Variants in RELN observed in about 807,000 individuals in gnomAD.
RELN encodes the protein reelin.
In RELN, 108 loss-of-function variants were observed where a neutral mutation model predicts 427.6. The ratio of observed to expected loss-of-function variants is 0.25; its 90% CI spans 0.22 to 0.30. RELN has a LOEUF of 0.30. Ranked by LOEUF, RELN falls within the 10% of genes least tolerant of loss-of-function variation. RELN has a pLI of 1.00. For synonymous variants in RELN, 1,524 were observed against 1,513.4 expected (o/e 1.01, Z -0.16); for missense variants, 3,715 against 4,302.8 (o/e 0.86, Z 3.82).
intron 8 of RELN, among the ~76,000 whole-genome samples, chr7:103,710,659 A>T (rs532977559): frequency 6.6e-6 from 1 of 152,386 alleles, no homozygotes; most frequent in Admixed American, 6.5e-5. Flanking sequence ...AATATTAAGC[A>T]TCAACTCTGA....
chr7:103,835,465 G>A lies in RELN; in HGVS notation c.338-1793C>T, dbSNP rs113893067. Among the ~76,000 whole-genome samples the A allele has an allele frequency of 4.6e-3, 702 of 152,202 alleles. 6 individuals carry two copies. The highest frequency in any genetic ancestry group is 0.016 in the African/African-American group (676 of 41,548). On this transcript the variant is annotated intron_variant, in intron 2 of 64. Transcript: ENST00000428762. ...GGACTTTGAGCAGTAATGATGTGTC[G>A]ATGTAGGTTCATTGATTGTACCAAA...
intron 20 of RELN, 34 bp from the exon 21 acceptor site, chr7:103,611,837 T>A: frequency 6.5e-7 from 1 of 1,535,828 alleles, no homozygotes; most frequent in Non-Finnish European, 9.0e-7. Context: ...CAGAAAATTC[T>A]AAACACAATG....
In RELN at chr7:103,520,957, ATTTTTTTTT is replaced by A. The variant is rs55830035; in HGVS notation, c.7668+1056_7668+1064del. Among the ~76,000 whole-genome samples, 337 of 79,200 alleles carry A rather than the reference ATTTTTTTTT, an allele frequency of 4.3e-3. 1 individual carries two copies. Among genetic ancestry groups the A allele is most frequent in the Non-Finnish European group, 5.9e-3 (252 of 42,506 alleles). The allele number at this position is 79,200 out of a possible 152,430, so 52.0% of individuals were successfully genotyped here. On this transcript the variant is annotated intron_variant, in intron 48 of 64. Coordinates refer to ENST00000428762, the MANE Select transcript of RELN (RefSeq NM_005045.4). The stretch of plus-strand genomic sequence containing the variant: ...ATAAAGAGCTGGCAGTAAATTTGTT[ATTTTTTTTT>A]TTTTTTTTTTTTTTTTTTTTTGAGA...
In RELN at chr7:103,553,660, G is replaced by T; in HGVS notation, c.5969C>A (p.Pro1990His). The part of the protein sequence containing the change: ...LYCPYSSKGA[P>H]EEDSAMVFVS... Reference sequence around the variant, plus strand: ...TTATTTTTAGATTCTTAATACTTACGGTGCCCCCTTTGAAGAATATGGACA... The same window carrying T: ...TTATTTTTAGATTCTTAATACTTACTGTGCCCCCTTTGAAGAATATGGACA... Residue 1990 changes from proline (P) to histidine (H), a missense_variant and splice_region_variant, in exon 39 of 65, where the codon CCT becomes CAT. By Grantham distance (77) the Pro-to-His change is moderately conservative. This residue lies in a region of RELN where 1,310 missense variants were observed against 1,643.0 expected (regional missense o/e 0.80). Coordinates refer to ENST00000428762, the MANE Select transcript of RELN (RefSeq NM_005045.4). 1.2e-6 allele frequency: 2 copies of T among 1,613,672 alleles called. No homozygotes were observed. The highest frequency in any genetic ancestry group is 1.7e-6 in the Non-Finnish European group (2 of 1,179,802).
chr7:103,917,659 A>G (rs528933702), intron 1 of RELN, among the ~76,000 whole-genome samples: 25 of 152,048 alleles, frequency 1.6e-4, no homozygotes, highest in African/African-American at 5.3e-4. Flanking sequence ...TATTTCAAAG[A>G]TGAGTTCCCT....
chr7:103,947,472 A>G (rs997082297), intron 1 of RELN, among the ~76,000 whole-genome samples: 1 of 152,236 alleles, frequency 6.6e-6, no homozygotes, highest in African/African-American at 2.4e-5. Context: ...CATAAAAGGA[A>G]TGCAATATGA....
At position 103,952,276 on chromosome 7, in the gene RELN, C is replaced by A. The variant is rs564516528; in HGVS notation, c.227-35091G>T. ...CCTTCAGTCTGATTCTTTGGGTCAC[C>A]CTTCAGTCTACCAAGTCAGGAAATG... On this transcript the variant is annotated intron_variant, in intron 1 of 64. Transcript: ENST00000428762. Among the ~76,000 whole-genome samples, 13 of 152,120 alleles carry A rather than the reference C, an allele frequency of 8.5e-5. No homozygotes were observed. The South Asian group carries it at 1.2e-3, about 15-fold the overall frequency.
At chr7:103,764,091 GGGAC>G (rs879785716) in intron 4 of RELN, among the ~76,000 whole-genome samples, 53 of 152,264 alleles carry the variant, frequency 3.5e-4, no homozygotes, top group Non-Finnish European at 2.1e-4. Flanking sequence ...GTACAGATTT[GGGAC>G]GGACTAAAGT....
At position 103,654,152 on chromosome 7, in the gene RELN, T is replaced by C. The variant is rs1296742511; in HGVS notation, c.1495A>G (p.Lys499Glu). 1 of 1,611,340 alleles carries C rather than the reference T, an allele frequency of 6.2e-7. No individual in the cohort carries two copies. Among genetic ancestry groups the C allele is most frequent in the Non-Finnish European group, 8.5e-7 (1 of 1,178,066 alleles). ...SHENDIILYA[K>E]IEGRKEHITL... Reference sequence around the variant, plus strand: ...ATATGCTCTTTTCTTCCTTCAATTTTTGCATACAGGATTATGTCATTTTCA... The same window carrying C: ...ATATGCTCTTTTCTTCCTTCAATTTCTGCATACAGGATTATGTCATTTTCA... Residue 499 changes from lysine (K) to glutamate (E), a missense_variant, in exon 13 of 65, where the codon AAA (lysine) becomes GAA (glutamate). Transcript: ENST00000428762.
intron 2 of RELN, among the ~76,000 whole-genome samples, chr7:103,865,371 T>TGAAGAA (rs10628244): frequency 0.14 from 21,746 of 151,908 alleles, 1,812 homozygotes; most frequent in East Asian, 0.33. Flanking sequence ...TGCAATAAAT[T>TGAAGAA]GAAGGGATAC....
chr7:103,686,146 A>G (rs777451496), intron 10 of RELN, among the ~76,000 whole-genome samples: 12 of 152,028 alleles, frequency 7.9e-5, no homozygotes, highest in Non-Finnish European at 1.6e-4. Context: ...TGTTGGAATG[A>G]GGGTATTGGG....
intron 24 of RELN, among the ~76,000 whole-genome samples, chr7:103,599,692 C>A (rs529159944): frequency 1.3e-5 from 2 of 152,068 alleles, no homozygotes; most frequent in Admixed American, 6.6e-5. Flanking sequence ...AACAGGACAC[C>A]GAAATTTTAT....
In RELN at chr7:103,640,891, G is replaced by A. The variant is rs1562935715; in HGVS notation, c.2003-282C>T. Among the ~76,000 whole-genome samples the A allele has an allele frequency of 6.6e-6, 1 of 152,084 alleles. No homozygotes were observed. Among genetic ancestry groups the A allele is most frequent in the Non-Finnish European group, 1.5e-5 (1 of 68,010 alleles). ...TAATAGAGTCTATTAGACAATATTAGCGCTTCTGCCTTGAACATTCTACAA... is the reference window on the plus strand; with the variant it reads ...TAATAGAGTCTATTAGACAATATTAACGCTTCTGCCTTGAACATTCTACAA... On this transcript the variant is annotated intron_variant, in intron 16 of 64. Transcript: ENST00000428762. This position sits in a 1 kb window ranked among gnomAD's most constrained non-coding sequence, Gnocchi z 4.1.
chr7:103,880,480 G>C (rs1794581832), intron 2 of RELN, among the ~76,000 whole-genome samples: 1 of 152,060 alleles, frequency 6.6e-6, no homozygotes, highest in Non-Finnish European at 1.5e-5. Context: ...CAGTTCATTT[G>C]TCTAAATTCA....
At chr7:103,986,235 G>T (rs1276097987) in intron 1 of RELN, among the ~76,000 whole-genome samples, 1 of 151,998 alleles carries the variant, frequency 6.6e-6, no homozygotes, top group Non-Finnish European at 1.5e-5. Flanking sequence ...ATGAAGATGA[G>T]AAAGAGATAC....
At chr7:103,744,820 A>G (rs1415830692) in intron 6 of RELN, among the ~76,000 whole-genome samples, 2 of 152,178 alleles carry the variant, frequency 1.3e-5, no homozygotes, top group African/African-American at 2.4e-5. Context: ...ATTCACAGCC[A>G]AATTCTGCCA....
chr7:103,708,636 T>C (rs937582832), intron 8 of RELN, among the ~76,000 whole-genome samples: 4 of 151,852 alleles, frequency 2.6e-5, no homozygotes, highest in Non-Finnish European at 5.9e-5. Flanking sequence ...GCTAATTTTT[T>C]GTATTTTTAG....
Position 103,542,892 on chromosome 7 carries a change from A to G in RELN, c.6524-14T>C. On this transcript the variant is annotated splice_polypyrimidine_tract_variant and intron_variant, in intron 42 of 64. Coordinates refer to ENST00000428762, the MANE Select transcript of RELN (RefSeq NM_005045.4). ...ATTCTAGCTGACCTGAAAAAATTGG[A>G]AAATATGGTTTACCTATGACCCCAA... 1.9e-6 allele frequency: 3 copies of G among 1,613,868 alleles called. No individual in the cohort carries two copies. Among genetic ancestry groups the G allele is most frequent in the Non-Finnish European group, 2.5e-6 (3 of 1,179,876 alleles).
chr7:103,933,405 AC>A (rs1416060577), intron 1 of RELN, among the ~76,000 whole-genome samples: 1 of 146,628 alleles, frequency 6.8e-6, no homozygotes, highest in Non-Finnish European at 1.5e-5. Context: ...TTGAAAATGT[AC>A]CCTTTTGGCC....
Sources: allele counts gnomAD v4.1 joint callset (sites outside exome capture counted in the v4.1 genomes callset), GRCh38; gene constraint gnomAD v4.1.1; regional missense constraint gnomAD v4.1.1; non-coding constraint Gnocchi (gnomAD v3.1); transcripts MANE v1.5; gene names NCBI Gene and HGNC (gene_info 2026-07-23, HGNC 2026-07-21).